The following TMC1 variants were observed in gnomAD, a reference collection of about 807,000 sequenced individuals.
TMC1 encodes the protein transmembrane channel like 1.
In TMC1, 84 loss-of-function variants were observed where a neutral mutation model predicts 105.8. That is an observed-to-expected ratio of 0.79 (90% CI 0.67 to 0.95). The LOEUF is 0.95. Among genes scored for constraint, TMC1 ranks in the 40% least tolerant of loss-of-function variants. TMC1 has a pLI of 0.00. For missense variants in TMC1, 817 were observed against 914.1 expected, an observed-to-expected ratio of 0.89 and a Z score of 1.37; for synonymous variants, 315 against 311.5, an observed-to-expected ratio of 1.01 and a Z score of -0.12.
At chr9:72,682,206 G>A (rs1362045515) in intron 5 of TMC1, among the ~76,000 whole-genome samples, 1 of 152,092 alleles carries the variant, frequency 6.6e-6, no homozygotes, top group Non-Finnish European at 1.5e-5. Flanking sequence ...TTCCAGTAGG[G>A]TGTTTTTGAA....
At chr9:72,743,884 T>C (rs1001067610) in intron 10 of TMC1, among the ~76,000 whole-genome samples, 1 of 152,192 alleles carries the variant, frequency 6.6e-6, no homozygotes, top group Non-Finnish European at 1.5e-5. Flanking sequence ...TTGAAACAAT[T>C]TTGAGCACAA....
chr9:72,543,274 A>G (rs1823708067), intron 1 of TMC1, among the ~76,000 whole-genome samples: 1 of 152,076 alleles, frequency 6.6e-6, no homozygotes, highest in Non-Finnish European at 1.5e-5. Context: ...CCCATGAGCA[A>G]ATCCTATCTG....
intron 17 of TMC1, among the ~76,000 whole-genome samples, chr9:72,795,246 A>G (rs977774444): frequency 6.6e-6 from 1 of 152,192 alleles, no homozygotes; most frequent in Non-Finnish European, 1.5e-5. Context: ...CTTACTAGAG[A>G]GGCAAATTTG....
chr9:72,539,539 C>T (rs1823641605), intron 1 of TMC1, among the ~76,000 whole-genome samples: 1 of 152,118 alleles, frequency 6.6e-6, no homozygotes, highest in African/African-American at 2.4e-5. Context: ...AACATGGAAC[C>T]CTTTGCTCTA....
chr9:72,719,251 T>A (rs1018630003), intron 8 of TMC1, among the ~76,000 whole-genome samples: 1 of 152,078 alleles, frequency 6.6e-6, no homozygotes, highest in Non-Finnish European at 1.5e-5. Context: ...CAGCTGGAGG[T>A]TTCCTTCTCC....
rs182115097 is a variant in TMC1 at position 72,800,263 on chromosome 9, G to A, written c.1567-5119G>A. ...GAGTCTGTTTTATCACAACTAAGCC[G>A]CTCCCTAAATCTTCAGCATACGATT... On this transcript the variant is annotated intron_variant, in intron 17 of 23. Transcript: ENST00000297784. 3.1e-3 allele frequency among the ~76,000 whole-genome samples: 470 copies of A among 152,236 alleles called. 1 individual carries two copies. Among genetic ancestry groups the A allele is most frequent in the Middle Eastern group, 0.017 (5 of 294 alleles).
intron 1 of TMC1, among the ~76,000 whole-genome samples, chr9:72,573,031 T>C (rs949988792): frequency 6.6e-5 from 10 of 152,152 alleles, no homozygotes; most frequent in African/African-American, 2.4e-4. Context: ...ATATTGTTGG[T>C]TATGAAATGC....
intron 1 of TMC1, among the ~76,000 whole-genome samples, chr9:72,546,977 C>T (rs1339076134): frequency 5.9e-5 from 9 of 152,136 alleles, no homozygotes; most frequent in Non-Finnish European, 7.4e-5. Context: ...ATGGTCCATC[C>T]GTGAATCTTT....
intron 12 of TMC1, among the ~76,000 whole-genome samples, chr9:72,771,833 T>C (rs1389331744): frequency 2.0e-5 from 3 of 152,226 alleles, no homozygotes; most frequent in African/African-American, 7.2e-5. Flanking sequence ...AACGAGAATC[T>C]AATGCACAAG....
intron 10 of TMC1, among the ~76,000 whole-genome samples, chr9:72,744,391 A>G: frequency 6.6e-6 from 1 of 152,228 alleles, no homozygotes; most frequent in South Asian, 2.1e-4. Flanking sequence ...AACTCGCTAA[A>G]TGTCTACCAA....
rs780922035 is a variant in TMC1, at chr9:72,836,107, A to G, written c.*134A>G. The G allele has an allele frequency of 9.8e-7, 1 of 1,022,854 alleles. No individual in the cohort carries two copies. Among genetic ancestry groups the G allele is most frequent in the South Asian group, 1.3e-5 (1 of 78,632 alleles). The allele number at this position is 1,022,854 out of a possible 1,614,324, so 63.4% of individuals were successfully genotyped here. A position where few individuals can be genotyped will look rare whatever the true frequency, so the allele number is the denominator to read the frequency against. On this transcript the variant is annotated 3_prime_UTR_variant, in exon 24 of 24. Transcript: ENST00000297784. Reference sequence around the variant, plus strand: ...CTACCCTTGATGGATTTTCAAGGTCATGCTGGCCAATTAAGGCATCATCAG... The same window carrying G: ...CTACCCTTGATGGATTTTCAAGGTCGTGCTGGCCAATTAAGGCATCATCAG...
At position 72,641,234 on chromosome 9, in the gene TMC1, C is replaced by T. The variant is rs141076407; in HGVS notation, c.-52-7363C>T. ...TAAACCTCCTGAGTAGCTGAGATTA[C>T]AGGCATGAGCCACCATGCCCAACTA... On this transcript the variant is annotated intron_variant, in intron 4 of 23. Coordinates refer to ENST00000297784, the MANE Select transcript of TMC1 (RefSeq NM_138691.3). Among the ~76,000 whole-genome samples the T allele has an allele frequency of 2.0e-3, 305 of 152,310 alleles. 5 individuals carry two copies. Among genetic ancestry groups the T allele is most frequent in the African/African-American group, 7.1e-3 (296 of 41,576 alleles).
chr9:72,689,315 G>A (rs776912419), intron 6 of TMC1, among the ~76,000 whole-genome samples: 6 of 152,082 alleles, frequency 3.9e-5, no homozygotes, highest in Non-Finnish European at 7.4e-5. Flanking sequence ...AAGGTAGGTC[G>A]GATGATTTCT....
rs1828218195 is a variant in TMC1 at position 72,789,039 on chromosome 9, CTT to C, written c.1030-81_1030-80del. ...CACATTCTGATGATTGTAAAAATAACTTTTGAGGTTTTGATACTTTTAAAATG... is the reference window on the plus strand; with the variant it reads ...CACATTCTGATGATTGTAAAAATAACTTGAGGTTTTGATACTTTTAAAATG... On this transcript the variant is annotated intron_variant, in intron 14 of 23. Transcript: ENST00000297784. 4 of 1,337,216 alleles carry C rather than the reference CTT, an allele frequency of 3.0e-6. No individual in the cohort carries two copies. In the East Asian group the frequency reaches 7.0e-5, roughly 23 times the overall value. 82.8% of individuals were successfully genotyped at this position (1,337,216 alleles called of 1,614,324 possible).
intron 1 of TMC1, among the ~76,000 whole-genome samples, chr9:72,523,634 G>GGA (rs10639738): frequency 0.063 from 9,586 of 152,004 alleles, 921 homozygotes; most frequent in African/African-American, 0.21. Context: ...AGGAGGAGGG[G>GGA]GAGAGAGAAG....
chr9:72,547,056 G>A (rs556719891), intron 1 of TMC1, among the ~76,000 whole-genome samples: 10 of 152,274 alleles, frequency 6.6e-5, no homozygotes, highest in Admixed American at 4.6e-4. Context: ...GGAGGCCAAG[G>A]CAAGTGGATC....
chr9:72,755,094 GAGAA>G (rs796269678), intron 12 of TMC1, among the ~76,000 whole-genome samples: 192 of 123,942 alleles, frequency 1.5e-3, no homozygotes, highest in African/African-American at 3.1e-3. Context: ...GAGAGAGAGA[GAGAA>G]AGAAAGAAAG....
Position 72,822,012 on chromosome 9 carries a change from C to T in TMC1, c.2003+931C>T, listed in dbSNP as rs115096478. On this transcript the variant is annotated intron_variant, in intron 20 of 23. Transcript: ENST00000297784. ...TCAAGTCAGGAATCGAGAGTCACAA[C>T]GGCTCCTTGATCCAATTTAGAGATA... 9.0e-3 allele frequency among the ~76,000 whole-genome samples: 1,374 copies of T among 152,294 alleles called. 18 individuals are homozygous for T. Among genetic ancestry groups the T allele is most frequent in the African/African-American group, 0.031 (1,302 of 41,552 alleles).
At chr9:72,534,654 G>A (rs146832105) in intron 1 of TMC1, among the ~76,000 whole-genome samples, 1 of 152,094 alleles carries the variant, frequency 6.6e-6, no homozygotes, top group African/African-American at 2.4e-5. Flanking sequence ...TAATGAAAAG[G>A]TTAATGGAAT....
Sources: gnomAD v4.1 joint callset for allele counts (sites outside exome capture counted in the v4.1 genomes callset) on GRCh38, gnomAD v4.1.1 for gene constraint, MANE v1.5 for transcripts, NCBI Gene and HGNC (gene_info 2026-07-23, HGNC 2026-07-21) for gene names.